PPFIA1: variants seen among roughly 807,000 people sequenced by gnomAD.
PPFIA1 encodes the protein liprin-alpha-1.
In PPFIA1, 25 loss-of-function variants were observed where a neutral mutation model predicts 149.9. That is an observed-to-expected ratio of 0.17 (90% CI 0.12 to 0.23). The LOEUF is 0.23. Among genes scored for constraint, PPFIA1 ranks in the 10% least tolerant of loss-of-function variants. The pLI, the probability that PPFIA1 is intolerant of heterozygous loss-of-function variation, is 1.00. For synonymous variants in PPFIA1, 549 were observed against 552.8 expected (o/e 0.99, Z 0.10); for missense variants, 1,362 against 1,506.5 (o/e 0.90, Z 1.59).
intron 21 of PPFIA1, chr11:70,365,033 T>C (rs975159364): frequency 6.0e-6 from 1 of 167,708 alleles, no homozygotes; most frequent in Admixed American, 6.0e-5. Context: ...GGTTCTTTGT[T>C]GTTAATCTGC....
chr11:70,344,669 G>A (rs1017895797), intron 15 of PPFIA1, among the ~76,000 whole-genome samples: 3 of 152,180 alleles, frequency 2.0e-5, no homozygotes, highest in African/African-American at 7.2e-5. Flanking sequence ...TATAATTTTA[G>A]CCCCCATCGT....
chr11:70,362,443 G>C lies in PPFIA1; in HGVS notation c.2820G>C (p.Glu940Asp), dbSNP rs780702280. Reference protein sequence around the residue: ...HRLKLRLAIQEIMSLTSPSAP... With the variant: ...HRLKLRLAIQDIMSLTSPSAP... Reference sequence around the variant, plus strand: ...TGAAGCTGAGGCTGGCCATCCAGGAGATCATGTCGCTGACCAGCCCGTCTG... The same window carrying C: ...TGAAGCTGAGGCTGGCCATCCAGGACATCATGTCGCTGACCAGCCCGTCTG... Residue 940 changes from glutamate to aspartate, a missense_variant, in exon 21 of 28, where the codon GAG becomes GAC. Transcript: ENST00000253925. The C allele has an allele frequency of 6.2e-7, 1 of 1,614,174 alleles. No homozygotes were observed. The highest frequency in any genetic ancestry group is 8.5e-7 in the Non-Finnish European group (1 of 1,180,026).
intron 2 of PPFIA1, 148 bp from the exon 3 acceptor site, chr11:70,324,254 G>C: frequency 3.5e-6 from 2 of 569,574 alleles, no homozygotes; most frequent in East Asian, 6.2e-5. Flanking sequence ...GTGGTCCATT[G>C]ATGCCCTCTT....
chr11:70,361,782 A>ATT (rs35021154), intron 19 of PPFIA1, among the ~76,000 whole-genome samples: 68 of 137,116 alleles, frequency 5.0e-4, no homozygotes, highest in Non-Finnish European at 8.5e-4. Flanking sequence ...TACCTGGCTG[A>ATT]TTTTTTTTTT....
At chr11:70,277,820 G>A (rs139210638) in intron 2 of PPFIA1, among the ~76,000 whole-genome samples, 181 of 151,762 alleles carry the variant, frequency 1.2e-3, no homozygotes, top group African/African-American at 4.2e-3. Context: ...AACTTTCTAC[G>A]GTATTTCTTT....
chr11:70,358,169 C>T (rs1407527443), intron 19 of PPFIA1: 4 of 152,112 alleles, frequency 2.6e-5, no homozygotes, highest in Non-Finnish European at 4.4e-5. Flanking sequence ...AGGGCAGTTT[C>T]GTTTCTTTCA....
intron 11 of PPFIA1, 86 bp from the exon 12 acceptor site, chr11:70,337,279 C>CA (rs1227293914): frequency 7.8e-6 from 6 of 768,092 alleles, no homozygotes; most frequent in Non-Finnish European, 1.2e-5. Flanking sequence ...TTGTGTGGTC[C>CA]TTTTTTTTTT....
intron 2 of PPFIA1, among the ~76,000 whole-genome samples, chr11:70,305,466 G>T (rs2052786756): frequency 6.6e-6 from 1 of 152,052 alleles, no homozygotes; most frequent in Admixed American, 6.6e-5. Flanking sequence ...CGACCTCCTG[G>T]GCTTAAGCGA....
chr11:70,301,377 C>T (rs2052478631), intron 2 of PPFIA1, among the ~76,000 whole-genome samples: 1 of 152,132 alleles, frequency 6.6e-6, no homozygotes, highest in South Asian at 2.1e-4. Context: ...GGTATCTTCC[C>T]CTGAAGATAA....
intron 24 of PPFIA1, chr11:70,375,544 T>G (rs1017200037): frequency 6.6e-6 from 1 of 152,282 alleles, no homozygotes; most frequent in Non-Finnish European, 1.5e-5. Context: ...TCCCAACACT[T>G]TGGGAGGCCC....
chr11:70,327,302 G>GACCACC, intron 7 of PPFIA1: 1 of 153,618 alleles, frequency 6.5e-6, no homozygotes, highest in South Asian at 2.0e-4. Context: ...CGTTGCTGGC[G>GACCACC]GTCTTCTCAT....
intron 9 of PPFIA1, chr11:70,332,922 A>G (rs1042067903): frequency 2.4e-6 from 1 of 416,050 alleles, no homozygotes; most frequent in African/African-American, 2.0e-5. Flanking sequence ...GTTTGTTGCT[A>G]ACAGCTGTAA....
In PPFIA1 at chr11:70,384,241, G is replaced by C. The variant is rs1243533515; in HGVS notation, c.*1251G>C. The C allele has an allele frequency of 6.6e-6, 1 of 152,400 alleles. No homozygotes were observed. Among genetic ancestry groups the C allele is most frequent in the Non-Finnish European group, 1.5e-5 (1 of 68,024 alleles). 9.4% of individuals were successfully genotyped at this position (152,400 alleles called of 1,614,324 possible). A position where few individuals can be genotyped will look rare whatever the true frequency, so the allele number is the denominator to read the frequency against. On this transcript the variant is annotated 3_prime_UTR_variant, in exon 28 of 28. Coordinates refer to ENST00000253925, the MANE Select transcript of PPFIA1 (RefSeq NM_003626.5). ...GTTGGTTTCTGCTTTTAATTTACTT[G>C]TACAATTCATTGTTACTGTTCTGTT...
intron 21 of PPFIA1, chr11:70,365,621 G>A (rs555910352): frequency 2.8e-6 from 1 of 355,994 alleles, no homozygotes; most frequent in East Asian, 7.5e-5. Flanking sequence ...TTTTTTCCAG[G>A]AACTTCAAGT....
chr11:70,325,605 TG>T lies in PPFIA1; in HGVS notation c.606+40del, dbSNP rs576943340. ...CTTGAGACTTCATCATGAGTTGAAT[TG>T]GGGGGGGGTTATTTTTATCCTTTAA... On this transcript the variant is annotated intron_variant, in intron 5 of 27. Transcript: ENST00000253925. The T allele has an allele frequency of 3.5e-3, 4,811 of 1,372,160 alleles. 11 individuals carry two copies. Among genetic ancestry groups the T allele is most frequent in the East Asian group, 0.015 (626 of 41,422 alleles). The allele number at this position is 1,372,160 out of a possible 1,614,324, so 85.0% of individuals were successfully genotyped here.
chr11:70,272,050 C>T lies in PPFIA1; in HGVS notation c.1-123C>T, dbSNP rs948722222. 6 of 1,089,902 alleles carry T rather than the reference C, an allele frequency of 5.5e-6. No homozygotes were observed. The South Asian group carries it at 6.0e-5, about 11-fold the overall frequency. 67.5% of individuals were successfully genotyped at this position (1,089,902 alleles called of 1,614,324 possible). A position where few individuals can be genotyped will look rare whatever the true frequency, so the allele number is the denominator to read the frequency against. On this transcript the variant is annotated intron_variant, in intron 1 of 27. Coordinates refer to ENST00000253925, the MANE Select transcript of PPFIA1 (RefSeq NM_003626.5). ...TTTCCCAGCTTATTTACACACAAAG[C>T]ATAACAGATCTGAGCATAATGAGAC...
intron 19 of PPFIA1, among the ~76,000 whole-genome samples, chr11:70,357,427 C>T (rs1181207044): frequency 6.6e-6 from 1 of 152,008 alleles, no homozygotes. Flanking sequence ...TTTTCAAAGC[C>T]TTTATAAATG....
chr11:70,302,985 A>G (rs2052588465), intron 2 of PPFIA1, among the ~76,000 whole-genome samples: 1 of 152,054 alleles, frequency 6.6e-6, no homozygotes, highest in Non-Finnish European at 1.5e-5. Flanking sequence ...CTGTTTATTA[A>G]ATTAGCAAAC....
intron 2 of PPFIA1, among the ~76,000 whole-genome samples, chr11:70,277,060 A>ATATATTTTTTT: frequency 3.0e-5 from 2 of 66,326 alleles, no homozygotes; most frequent in African/African-American, 1.2e-4. Context: ...ATATATATAT[A>ATATATTTTTTT]TTTTTTTTTT....
Sources: gnomAD v4.1 joint callset for allele counts (sites outside exome capture counted in the v4.1 genomes callset) on GRCh38, gnomAD v4.1.1 for gene constraint, MANE v1.5 for transcripts, NCBI Gene and HGNC (gene_info 2026-07-23, HGNC 2026-07-21) for gene names.